Variants in SLTM observed in about 807,000 individuals in gnomAD.
The protein encoded by SLTM is SAFB-like transcription modulator.
Under a neutral mutation model 134.6 loss-of-function variants are expected in SLTM, and 43 were observed. The ratio of observed to expected loss-of-function variants is 0.32; its 90% CI spans 0.25 to 0.41. The LOEUF (loss-of-function observed/expected upper bound fraction) is 0.41, where lower values mean the gene tolerates loss of function less well. Ranked by LOEUF, SLTM falls within the 10% of genes least tolerant of loss-of-function variation. The probability of loss-of-function intolerance (pLI) is 1.00; values close to 1 mark genes in which losing one functional copy is unlikely to be tolerated. For synonymous variants in SLTM, 424 were observed against 432.3 expected (o/e 0.98, Z 0.24); for missense variants, 1,055 against 1,288.8 (o/e 0.82, Z 2.78).
chr15:58,886,218 A>AGAGTGTGT (rs1399550406), intron 19 of SLTM, among the ~76,000 whole-genome samples: 1 of 124,458 alleles, frequency 8.0e-6, no homozygotes, highest in Non-Finnish European at 1.7e-5. Flanking sequence ...GAAAAAGAAG[A>AGAGTGTGT]GTGTGTGTGT....
chr15:58,915,269 T>A (rs145311170), intron 3 of SLTM, among the ~76,000 whole-genome samples: 3 of 152,270 alleles, frequency 2.0e-5, no homozygotes, highest in Non-Finnish European at 4.4e-5. Context: ...TATGACCAGG[T>A]TTATTTAATC....
Position 58,892,988 on chromosome 15 carries a change from C to T in SLTM, c.1807G>A (p.Glu603Lys). 6.2e-7 allele frequency: 1 copy of T among 1,613,664 alleles called. No individual in the cohort carries two copies. The highest frequency in any genetic ancestry group is 8.5e-7 in the Non-Finnish European group (1 of 1,179,810). ...KKRDKDYRRK[E>K]ILPFEKMKEQ... ...TTCATCTTTTCAAAAGGCAAGATCT[C>T]TTTCCTTCTGTAGTCTTTATCTCTT... is the stretch of plus-strand genomic sequence containing the variant. The change falls in exon 14 of 21, where the codon GAG becomes AAG. Residue 603 changes from glutamate to lysine, a missense_variant. This residue lies in a region of SLTM where 776 missense variants were observed against 962.2 expected (regional missense o/e 0.81). Transcript: ENST00000380516.
intron 2 of SLTM, among the ~76,000 whole-genome samples, chr15:58,925,908 A>C (rs1208173136): frequency 6.6e-6 from 1 of 152,212 alleles, no homozygotes; most frequent in Non-Finnish European, 1.5e-5. Context: ...TGTGAGAATC[A>C]AATAAAGCAA....
intron 5 of SLTM, among the ~76,000 whole-genome samples, chr15:58,911,855 T>C (rs540560686): frequency 6.6e-6 from 1 of 152,324 alleles, no homozygotes; most frequent in South Asian, 2.1e-4. Context: ...CTATGCCTGT[T>C]GTAGGAGTGT....
rs1371175975 is a variant in SLTM, at chr15:58,933,571, A to C, written c.-6T>G. 1.9e-6 allele frequency: 3 copies of C among 1,580,650 alleles called. No individual in the cohort carries two copies. The highest frequency in any genetic ancestry group is 2.6e-6 in the Non-Finnish European group (3 of 1,165,504). Reference sequence around the variant, plus strand: ...GCACCGGTAGCGGCAGCCATCTTAGAAGAGCAGCGCGCTGCCGAGGCAGCG... The same window carrying C: ...GCACCGGTAGCGGCAGCCATCTTAGCAGAGCAGCGCGCTGCCGAGGCAGCG... On this transcript the variant is annotated 5_prime_UTR_variant, in exon 1 of 21. Transcript: ENST00000380516.
At chr15:58,882,181 C>CAAAAAAAAAAACA (rs2033780394) in intron 20 of SLTM, among the ~76,000 whole-genome samples, 1 of 59,526 alleles carries the variant, frequency 1.7e-5, no homozygotes, top group Admixed American at 2.5e-4. Flanking sequence ...GACTCTGTCT[C>CAAAAAAAAAAACA]AAAAAAAAAA....
intron 20 of SLTM, among the ~76,000 whole-genome samples, chr15:58,882,291 G>A (rs986229986): frequency 6.6e-6 from 1 of 151,674 alleles, no homozygotes. Context: ...CTATCAAATT[G>A]AAAGAAACTG....
At chr15:58,907,619 TCAACAACAA>T (rs71812823) in intron 5 of SLTM, among the ~76,000 whole-genome samples, 1 of 151,568 alleles carries the variant, frequency 6.6e-6, no homozygotes, top group African/African-American at 2.4e-5. Context: ...AGACCAGGTC[TCAACAACAA>T]CAACAACAAC....
intron 5 of SLTM, among the ~76,000 whole-genome samples, chr15:58,911,945 A>C (rs2141116026): frequency 6.6e-6 from 1 of 152,302 alleles, no homozygotes; most frequent in South Asian, 2.1e-4. Flanking sequence ...AAGTGACAAG[A>C]AAAAAATCAA....
At chr15:58,916,832 C>T in intron 3 of SLTM, 103 bp downstream of exon 3, 3 of 863,346 alleles carry the variant, frequency 3.5e-6, no homozygotes, top group Non-Finnish European at 5.6e-6. Context: ...TTATCTTTAA[C>T]CTACATACTT....
intron 9 of SLTM, among the ~76,000 whole-genome samples, chr15:58,896,056 T>A (rs191385263): frequency 1.1e-3 from 165 of 152,294 alleles, no homozygotes; most frequent in Non-Finnish European, 1.8e-3. Flanking sequence ...ATAATGTAAG[T>A]AGACAGTATT....
chr15:58,911,243 C>G (rs1336443274), intron 5 of SLTM, among the ~76,000 whole-genome samples: 2 of 152,196 alleles, frequency 1.3e-5, no homozygotes, highest in African/African-American at 4.8e-5. Context: ...TTGTGGCTCA[C>G]TAGCATTTCA....
At chr15:58,914,512 G>A (rs1170856624) in intron 3 of SLTM, among the ~76,000 whole-genome samples, 1 of 152,180 alleles carries the variant, frequency 6.6e-6, no homozygotes, top group Non-Finnish European at 1.5e-5. Context: ...TGACTGTTTT[G>A]GAAGGTGGAG....
At chr15:58,918,372 C>T (rs1004034587) in intron 2 of SLTM, among the ~76,000 whole-genome samples, 1 of 152,158 alleles carries the variant, frequency 6.6e-6, no homozygotes, top group Non-Finnish European at 1.5e-5. Flanking sequence ...AGAGGTTTAG[C>T]CGTTGGAATA....
At chr15:58,910,191 C>T (rs1196190765) in intron 5 of SLTM, among the ~76,000 whole-genome samples, 3 of 151,952 alleles carry the variant, frequency 2.0e-5, no homozygotes, top group African/African-American at 4.8e-5. Flanking sequence ...CAAAATAATG[C>T]AGAAGGGAGA....
intron 4 of SLTM, chr15:58,912,936 G>T (rs566614305): frequency 7.5e-5 from 16 of 213,452 alleles, no homozygotes; most frequent in African/African-American, 3.4e-4. Flanking sequence ...TTCAAGGCAG[G>T]ACAAATGGTC....
intron 3 of SLTM, among the ~76,000 whole-genome samples, chr15:58,914,364 T>G (rs2036485349): frequency 6.6e-6 from 1 of 152,238 alleles, no homozygotes; most frequent in African/African-American, 2.4e-5. Context: ...TTTCCTGTTC[T>G]TACGGTAAAT....
At chr15:58,893,109 T>C in intron 13 of SLTM, 49 bp from the exon 14 acceptor site, 1 of 1,520,076 alleles carries the variant, frequency 6.6e-7, no homozygotes, top group Non-Finnish European at 8.8e-7. Context: ...ATTTTGGGGC[T>C]TTATTTTTCA....
rs572703548 is a variant in SLTM at position 58,906,885 on chromosome 15, T to C, written c.562-5598A>G. On this transcript the variant is annotated intron_variant, in intron 5 of 20. Coordinates refer to ENST00000380516, the MANE Select transcript of SLTM (RefSeq NM_024755.4). ...AACTTTGGCACTATGTTAAGTACGA[T>C]AGAACTCAGAAAACATTTCCTAGTG... 7.9e-5 allele frequency among the ~76,000 whole-genome samples: 12 copies of C among 152,346 alleles called. No individual in the cohort carries two copies. The South Asian group carries it at 1.0e-3, about 13-fold the overall frequency.
Sources: gnomAD v4.1 joint callset for allele counts (sites outside exome capture counted in the v4.1 genomes callset) on GRCh38, gnomAD v4.1.1 for gene constraint, gnomAD v4.1.1 regional missense constraint, MANE v1.5 for transcripts, NCBI Gene and HGNC (gene_info 2026-07-23, HGNC 2026-07-21) for gene names.